Variants in DNAJC16 observed in about 807,000 individuals in gnomAD.
The protein encoded by DNAJC16 is dnaJ homolog subfamily C member 16.
DNAJC16 carries 76 observed loss-of-function variants against 92.7 expected under a neutral mutation model. The observed-to-expected ratio is 0.82, with a 90% CI of 0.68 to 0.99. The LOEUF is 0.99. DNAJC16 is among the 50% of genes least tolerant of loss of function. The pLI, the probability that DNAJC16 is intolerant of heterozygous loss-of-function variation, is 0.00. For synonymous variants in DNAJC16, 328 were observed against 358.7 expected (o/e 0.91, Z 0.97); for missense variants, 869 against 942.4 (o/e 0.92, Z 1.02).
intron 7 of DNAJC16, among the ~76,000 whole-genome samples, chr1:15,555,377 C>T (rs1483010529): frequency 3.5e-5 from 5 of 141,500 alleles, no homozygotes; most frequent in Admixed American, 7.1e-5. Flanking sequence ...CAGAGCAAGA[C>T]TCCATCTCAA....
At chr1:15,558,479 G>A (rs1348247877) in intron 7 of DNAJC16, among the ~76,000 whole-genome samples, 1 of 151,924 alleles carries the variant, frequency 6.6e-6, no homozygotes, top group Non-Finnish European at 1.5e-5. Flanking sequence ...GAGCCACTGT[G>A]CCTGGCCTTT....
intron 7 of DNAJC16, among the ~76,000 whole-genome samples, chr1:15,557,471 ATTC>A (rs887262803): frequency 1.3e-5 from 2 of 151,970 alleles, no homozygotes; most frequent in African/African-American, 4.8e-5. Context: ...GTCTTTGTTA[ATTC>A]TTCTTCTTAT....
chr1:15,560,345 T>A (rs1013786367), intron 8 of DNAJC16: 13 of 152,194 alleles, frequency 8.5e-5, no homozygotes, highest in African/African-American at 3.1e-4. Context: ...TCTTTGGAGG[T>A]CTTGGGAAGG....
chr1:15,531,235 C>T (rs1017657496), intron 2 of DNAJC16, among the ~76,000 whole-genome samples: 3 of 152,166 alleles, frequency 2.0e-5, no homozygotes, highest in Admixed American at 1.3e-4. Flanking sequence ...AGACTGCATG[C>T]GTGACTGCGC....
rs1638875285 is a variant in DNAJC16 at position 15,568,675 on chromosome 1, A to G, written c.*498A>G. ...AGCTTCTAGCCCCGCATCTGGAAAA[A>G]GGCCCCTTTCCAAGCAATCTCACGT... On this transcript the variant is annotated 3_prime_UTR_variant, in exon 15 of 15. Coordinates refer to ENST00000375847, the MANE Select transcript of DNAJC16 (RefSeq NM_015291.4). 8 of 399,216 alleles carry G rather than the reference A, an allele frequency of 2.0e-5. No homozygotes were observed. The highest frequency in any genetic ancestry group is 8.8e-5 in the Admixed American group (2 of 22,780). 24.7% of individuals were successfully genotyped at this position (399,216 alleles called of 1,614,324 possible).
chr1:15,566,098 C>A lies in DNAJC16; in HGVS notation c.1696C>A (p.Arg566=). ...TTACTTTAGCGACTCTAATGATGAG[C>A]GAGAGTCAAGCCCTCCAGAAAAAGA... ...VQAFSDSNDE[R]ESSPPEKEEA... Residue 566 remains arginine, a synonymous_variant, in exon 13 of 15, where the codon CGA becomes AGA. Transcript: ENST00000375847. 6.2e-7 allele frequency: 1 copy of A among 1,613,528 alleles called. No individual in the cohort carries two copies. Among genetic ancestry groups the A allele is most frequent in the Non-Finnish European group, 8.5e-7 (1 of 1,179,922 alleles).
intron 7 of DNAJC16, among the ~76,000 whole-genome samples, chr1:15,550,082 AAGGCCAAGG>A (rs958907490): frequency 6.6e-6 from 1 of 152,198 alleles, no homozygotes; most frequent in African/African-American, 2.4e-5. Flanking sequence ...TATGTAAAGT[AAGGCCAAGG>A]AGGCCAAGGA....
chr1:15,534,299 A>G lies in DNAJC16; in HGVS notation c.230A>G (p.Tyr77Cys), dbSNP rs982169946. ...EDKFIQISKA[Y>C]EILSNEEKRS... ...AAGTTCATTCAAATCAGTAAGGCTT[A>G]CGAGGTATCGTGTCCAGCTTTGTGA... The change falls in exon 3 of 15, where the codon TAC (tyrosine) becomes TGC (cysteine). Residue 77 changes from tyrosine to cysteine, a missense_variant. Coordinates refer to ENST00000375847, the MANE Select transcript of DNAJC16 (RefSeq NM_015291.4). 1.2e-6 allele frequency: 2 copies of G among 1,614,088 alleles called. No homozygotes were observed. The highest frequency in any genetic ancestry group is 1.7e-6 in the Non-Finnish European group (2 of 1,179,962).
chr1:15,539,489 G>A (rs1012573846), intron 4 of DNAJC16, among the ~76,000 whole-genome samples: 2 of 151,498 alleles, frequency 1.3e-5, no homozygotes, highest in Non-Finnish European at 1.5e-5. Flanking sequence ...CTCGTGATCC[G>A]CCCACCTCGG....
chr1:15,545,893 TTC>T (rs1317483142), intron 5 of DNAJC16, among the ~76,000 whole-genome samples: 1 of 152,234 alleles, frequency 6.6e-6, no homozygotes, highest in Non-Finnish European at 1.5e-5. Flanking sequence ...TGTTTTTAAT[TTC>T]TCTCAGGAAT....
In DNAJC16 at chr1:15,567,907, C is replaced by CTG; in HGVS notation, c.2080_2081insGT (p.Tyr694CysfsTer9). 2 of 1,614,214 alleles carry CTG rather than the reference C, an allele frequency of 1.2e-6. No individual in the cohort carries two copies. Among genetic ancestry groups the CTG allele is most frequent in the Non-Finnish European group, 1.7e-6 (2 of 1,180,038 alleles). Reference sequence around the variant, plus strand: ...ATGATAAGCATTTCATGGAGCGTGACTACACTGGTTATGTACTGGCTCTGA... The same window carrying CTG: ...ATGATAAGCATTTCATGGAGCGTGACTGTACACTGGTTATGTACTGGCTCTGA... On this transcript the variant is annotated frameshift_variant, in exon 15 of 15. Transcript: ENST00000375847. LOFTEE classifies it high-confidence loss of function.
chr1:15,552,480 C>T (rs1185536954), intron 7 of DNAJC16, among the ~76,000 whole-genome samples: 1 of 151,356 alleles, frequency 6.6e-6, no homozygotes, highest in Non-Finnish European at 1.5e-5. Context: ...CAGAGTGGGA[C>T]TTCATCTCAA....
intron 2 of DNAJC16, among the ~76,000 whole-genome samples, chr1:15,529,955 G>A (rs985914247): frequency 6.6e-6 from 1 of 152,056 alleles, no homozygotes; most frequent in African/African-American, 2.4e-5. Flanking sequence ...TTGTTATACT[G>A]TTATTGTTTA....
intron 7 of DNAJC16, among the ~76,000 whole-genome samples, chr1:15,558,766 T>G (rs1042765486): frequency 1.3e-5 from 2 of 152,226 alleles, no homozygotes; most frequent in Non-Finnish European, 2.9e-5. Context: ...TGTGTGAAAG[T>G]TAGCAATAAA....
intron 14 of DNAJC16, 68 bp downstream of exon 14, chr1:15,567,337 C>T: frequency 1.3e-6 from 2 of 1,505,378 alleles, no homozygotes; most frequent in Non-Finnish European, 9.1e-7. Flanking sequence ...ACTGAAATTG[C>T]ACGCTTTTCT....
Position 15,527,315 on chromosome 1 carries a change from G to A in DNAJC16, c.-19+357G>A, listed in dbSNP as rs571432707. On this transcript the variant is annotated intron_variant, in intron 1 of 14. Transcript: ENST00000375847. ...CGCATGTCAGCTAAAGAACTTCCCA[G>A]ACCACCGCCACTTCGGCCCTCTAGC... Among the ~76,000 whole-genome samples the A allele has an allele frequency of 5.3e-5, 8 of 152,330 alleles. No individual in the cohort carries two copies. The East Asian group carries it at 1.5e-3, about 29-fold the overall frequency.
intron 4 of DNAJC16, among the ~76,000 whole-genome samples, chr1:15,537,266 T>A (rs890359573): frequency 6.6e-6 from 1 of 152,216 alleles, no homozygotes; most frequent in Non-Finnish European, 1.5e-5. Context: ...TTTTACTTAT[T>A]GTGAGCTGAG....
At chr1:15,555,070 A>T (rs1039145030) in intron 7 of DNAJC16, among the ~76,000 whole-genome samples, 16 of 151,614 alleles carry the variant, frequency 1.1e-4, no homozygotes, top group African/African-American at 3.9e-4. Context: ...TGCTGCAGAA[A>T]AAATTTTTTT....
At chr1:15,548,185 C>A in intron 6 of DNAJC16, 85 bp from the exon 7 acceptor site, 2 of 1,375,950 alleles carry the variant, frequency 1.5e-6, no homozygotes, top group South Asian at 1.3e-5. Flanking sequence ...CCTCTCTGCT[C>A]AGTGATGTGA....
Sources: gnomAD v4.1 joint callset for allele counts (sites outside exome capture counted in the v4.1 genomes callset) on GRCh38, gnomAD v4.1.1 for gene constraint, MANE v1.5 for transcripts, NCBI Gene and HGNC (gene_info 2026-07-23, HGNC 2026-07-21) for gene names.